SCTR: variants seen among roughly 807,000 people sequenced by gnomAD.
SCTR encodes pancreatic secretin receptor.
Under a neutral mutation model 60.8 loss-of-function variants are expected in SCTR, and 56 were observed. That is an observed-to-expected ratio of 0.92 (90% CI 0.74 to 1.15). The LOEUF (loss-of-function observed/expected upper bound fraction) is 1.15. SCTR is among the 50% of genes most tolerant of loss of function. The pLI, the probability that SCTR is intolerant of heterozygous loss-of-function variation, is 0.00. For missense variants in SCTR, 562 were observed against 550.4 expected (o/e 1.02, Z -0.21); for synonymous variants, 202 against 217.0 (o/e 0.93, Z 0.61).
intron 2 of SCTR, among the ~76,000 whole-genome samples, chr2:119,483,010 G>T (rs906156050): frequency 6.6e-6 from 1 of 152,244 alleles, no homozygotes; most frequent in African/African-American, 2.4e-5. Context: ...GGAGCCTTTT[G>T]CCTCACTTGT....
intron 1 of SCTR, among the ~76,000 whole-genome samples, chr2:119,515,212 G>A (rs1679076255): frequency 6.6e-6 from 1 of 152,144 alleles, no homozygotes; most frequent in Admixed American, 6.5e-5. Flanking sequence ...ATGGCCAGAG[G>A]GCCCAATGTA....
In SCTR at chr2:119,491,176, G is replaced by A. The variant is rs115594831; in HGVS notation, c.193+3252C>T. On this transcript the variant is annotated intron_variant, in intron 2 of 12. Transcript: ENST00000019103. ...TCTGAACTACTCATGTCCTTTTCCA[G>A]TTCACCTCCCACACTGTGGCAGAGG... Among the ~76,000 whole-genome samples the A allele has an allele frequency of 5.7e-3, 871 of 152,268 alleles. 10 individuals are homozygous for A. The highest frequency in any genetic ancestry group is 0.019 in the African/African-American group (804 of 41,544).
At chr2:119,459,753 G>A (rs1004725387) in intron 7 of SCTR, among the ~76,000 whole-genome samples, 1 of 152,170 alleles carries the variant, frequency 6.6e-6, no homozygotes, top group African/African-American at 2.4e-5. Flanking sequence ...TTAAAATCCT[G>A]TGACAGAGAT....
intron 8 of SCTR, among the ~76,000 whole-genome samples, chr2:119,452,921 G>T (rs73951105): frequency 0.14 from 21,538 of 152,170 alleles, 1,755 homozygotes; most frequent in East Asian, 0.3. Flanking sequence ...AACACCCAGG[G>T]GTAGAGAGGC....
chr2:119,501,406 T>A (rs1393661322), intron 1 of SCTR, among the ~76,000 whole-genome samples: 44 of 144,096 alleles, frequency 3.1e-4, no homozygotes, highest in African/African-American at 1.1e-3. Context: ...TGAGACTCCA[T>A]CTAAAAAAAA....
At chr2:119,493,905 T>C (rs866714333) in intron 2 of SCTR, among the ~76,000 whole-genome samples, 1 of 152,078 alleles carries the variant, frequency 6.6e-6, no homozygotes, top group Non-Finnish European at 1.5e-5. Context: ...CCTCCCAAAG[T>C]GCTGGGATTA....
intron 9 of SCTR, among the ~76,000 whole-genome samples, chr2:119,450,929 C>T (rs1226283943): frequency 5.3e-5 from 8 of 152,224 alleles, no homozygotes. Flanking sequence ...CGCCACTGCG[C>T]TCCAGCCTGG....
At chr2:119,485,808 T>G (rs1488540847) in intron 2 of SCTR, 1 of 152,944 alleles carries the variant, frequency 6.5e-6, no homozygotes, top group African/African-American at 2.4e-5. Flanking sequence ...CTTCCACTGC[T>G]CACCCCCACT....
chr2:119,477,579 T>C (rs1677387337), intron 3 of SCTR, among the ~76,000 whole-genome samples: 2 of 152,186 alleles, frequency 1.3e-5, no homozygotes, highest in South Asian at 4.2e-4. Context: ...GCCTCCTGAG[T>C]AGCTGGGATT....
intron 11 of SCTR, among the ~76,000 whole-genome samples, chr2:119,443,708 G>C (rs892949882): frequency 3.9e-5 from 6 of 152,078 alleles, no homozygotes; most frequent in Non-Finnish European, 8.8e-5. Context: ...CACCATGCCT[G>C]GGTAATTTTT....
intron 1 of SCTR, among the ~76,000 whole-genome samples, chr2:119,522,327 G>A (rs1028067659): frequency 2.6e-5 from 4 of 151,962 alleles, no homozygotes; most frequent in East Asian, 1.9e-4. Flanking sequence ...AAAGAAAAAG[G>A]AAATACAAGG....
intron 4 of SCTR, among the ~76,000 whole-genome samples, chr2:119,469,674 G>A (rs1183354672): frequency 6.6e-6 from 1 of 152,002 alleles, no homozygotes; most frequent in Non-Finnish European, 1.5e-5. Flanking sequence ...AATTTTTTTT[G>A]TAGAGATAGG....
At chr2:119,470,562 G>A (rs551656911) in intron 4 of SCTR, among the ~76,000 whole-genome samples, 7 of 152,224 alleles carry the variant, frequency 4.6e-5, no homozygotes, top group East Asian at 3.9e-4. Flanking sequence ...AGTCCAAAGC[G>A]TTACATTTTC....
chr2:119,473,522 C>A lies in SCTR; in HGVS notation c.336G>T (p.Trp112Cys). ...SLFRNCTQDG[W>C]SETFPRPNLA... ...GATTAGGCCTGGGGAAGGTTTCTGA[C>A]CAGCCATCCTGTGTGCAGTTTCGGA... is the stretch of plus-strand genomic sequence containing the variant. The change falls in exon 4 of 13, where the codon TGG becomes TGT. Residue 112 changes from tryptophan (W) to cysteine (C), a missense_variant. Coordinates refer to ENST00000019103, the MANE Select transcript of SCTR (RefSeq NM_002980.3). 6.2e-7 allele frequency: 1 copy of A among 1,614,038 alleles called. No homozygotes were observed. Among genetic ancestry groups the A allele is most frequent in the Non-Finnish European group, 8.5e-7 (1 of 1,179,902 alleles).
chr2:119,515,206 C>T (rs1027129909), intron 1 of SCTR, among the ~76,000 whole-genome samples: 2 of 152,126 alleles, frequency 1.3e-5, no homozygotes, highest in Non-Finnish European at 2.9e-5. Flanking sequence ...AAGTCAATGG[C>T]CAGAGGGCCC....
intron 6 of SCTR, 43 bp downstream of exon 6, chr2:119,464,080 G>A (rs1182388013): frequency 1.9e-6 from 3 of 1,609,450 alleles, no homozygotes; most frequent in Admixed American, 3.3e-5. Flanking sequence ...GCTGGGGAAG[G>A]CAGGCGGGCC....
chr2:119,524,161 C>T lies in SCTR; in HGVS notation c.66G>A (p.Ala22=). 6.5e-7 allele frequency: 1 copy of T among 1,537,044 alleles called. No homozygotes were observed. Among genetic ancestry groups the T allele is most frequent in the Non-Finnish European group, 8.8e-7 (1 of 1,140,240 alleles). The change falls in exon 1 of 13, where the codon GCG becomes GCA. Residue 22 remains alanine (A), a synonymous_variant. Coordinates refer to ENST00000019103, the MANE Select transcript of SCTR (RefSeq NM_002980.3). Reference sequence around the variant, plus strand: ...AGAAGGGCGCAGTACTCACCGAGTGCGCGGCGCAGGCGAGCAGCACCGGCA... The same window carrying T: ...AGAAGGGCGCAGTACTCACCGAGTGTGCGGCGCAGGCGAGCAGCACCGGCA... ...LLLPVLLACA[A]HSTGALPRLC... is the part of the protein sequence containing the mutation.
intron 6 of SCTR, among the ~76,000 whole-genome samples, chr2:119,463,221 C>T: frequency 6.6e-6 from 1 of 152,210 alleles, no homozygotes; most frequent in Non-Finnish European, 1.5e-5. Flanking sequence ...CTCTATCACC[C>T]TGCTTCCTTT....
intron 11 of SCTR, among the ~76,000 whole-genome samples, chr2:119,442,395 G>A (rs1019616309): frequency 6.6e-6 from 1 of 152,180 alleles, no homozygotes; most frequent in Admixed American, 6.5e-5. Context: ...ACCCACCTCA[G>A]GCCACCCTTC....
Sources: gnomAD v4.1 joint callset for allele counts (sites outside exome capture counted in the v4.1 genomes callset) on GRCh38, gnomAD v4.1.1 for gene constraint, MANE v1.5 for transcripts, NCBI Gene and HGNC (gene_info 2026-07-23, HGNC 2026-07-21) for gene names.